The following AP2A1 variants were observed in gnomAD, a reference collection of about 807,000 sequenced individuals.
The protein encoded by AP2A1 is adaptor related protein complex 2 subunit alpha 1, also known as AP-2 complex subunit alpha-1.
Under a neutral mutation model 107.3 loss-of-function variants are expected in AP2A1, and 21 were observed. The ratio of observed to expected loss-of-function variants is 0.20; its 90% CI spans 0.14 to 0.28. The LOEUF (loss-of-function observed/expected upper bound fraction) is 0.28, where lower values mean the gene tolerates loss of function less well. AP2A1 is among the 10% of genes least tolerant of loss of function. The pLI, the probability that AP2A1 is intolerant of heterozygous loss-of-function variation, is 1.00. For synonymous variants in AP2A1, 602 were observed against 564.8 expected (o/e 1.07, Z -0.93); for missense variants, 873 against 1,307.7 (o/e 0.67, Z 5.13).
chr19:49,788,651 A>G lies in AP2A1; in HGVS notation c.474-3284A>G, dbSNP rs1196207237. On this transcript the variant is annotated intron_variant, in intron 4 of 22. Transcript: ENST00000354293. This position sits in a 1 kb window ranked among gnomAD's most constrained non-coding sequence, Gnocchi z 4.5. ...CTCGGGAGATGCACTGTGGCTCGGG[A>G]GATGAGCGCCATGACAGAGATGGGA... 6.8e-6 allele frequency among the ~76,000 whole-genome samples: 1 copy of G among 147,338 alleles called. No individual in the cohort carries two copies.
intron 4 of AP2A1, among the ~76,000 whole-genome samples, chr19:49,790,013 C>T (rs2073122219): frequency 1.3e-5 from 2 of 152,230 alleles, no homozygotes; most frequent in African/African-American, 4.8e-5. Flanking sequence ...CTGTGCCAGG[C>T]AAGTGCTGAC....
At chr19:49,780,224 G>C (rs1314572983) in intron 1 of AP2A1, among the ~76,000 whole-genome samples, 1 of 152,242 alleles carries the variant, frequency 6.6e-6, no homozygotes, top group Non-Finnish European at 1.5e-5. Context: ...CGACAGTGGA[G>C]AGAAATAAAA....
rs2073282471 is a variant in AP2A1 at position 49,801,706 on chromosome 19, A to AC, written c.1786-12dup. On this transcript the variant is annotated splice_polypyrimidine_tract_variant and intron_variant, in intron 13 of 22. Coordinates refer to ENST00000354293, the MANE Select transcript of AP2A1 (RefSeq NM_130787.3). ...CTCCTGACCCGAACTGACCTTCCCCACCCCGACCGCGCCAGGCCACGGTGC... is the reference window on the plus strand; with the variant it reads ...CTCCTGACCCGAACTGACCTTCCCCACCCCCGACCGCGCCAGGCCACGGTGC... 1 of 1,228,212 alleles carries AC rather than the reference A, an allele frequency of 8.1e-7. No homozygotes were observed. The highest frequency in any genetic ancestry group is 1.3e-5 in the South Asian group (1 of 77,180). 76.1% of individuals were successfully genotyped at this position (1,228,212 alleles called of 1,614,324 possible). A position where few individuals can be genotyped will look rare whatever the true frequency, so the allele number is the denominator to read the frequency against.
chr19:49,802,249 C>T (rs1487005961), intron 15 of AP2A1, 108 bp downstream of exon 15: 1 of 942,040 alleles, frequency 1.1e-6, no homozygotes. Context: ...CCGACTCGCT[C>T]CTCTCTCCAT....
intron 15 of AP2A1, chr19:49,802,585 A>C (rs1467496994): frequency 1.3e-6 from 2 of 1,598,700 alleles, no homozygotes; most frequent in Non-Finnish European, 1.7e-6. Flanking sequence ...TGGCTGACCC[A>C]GCTCCAGCTG....
intron 9 of AP2A1, 67 bp downstream of exon 9, chr19:49,799,562 C>G (rs2073251565): frequency 4.4e-6 from 7 of 1,600,856 alleles, no homozygotes; most frequent in Non-Finnish European, 5.1e-6. Context: ...CTCAGAGGCC[C>G]TTGGGTGGCC....
At position 49,782,708 on chromosome 19, in the gene AP2A1, C is replaced by A; in HGVS notation, c.457C>A (p.Arg153Ser). 1 of 1,604,140 alleles carries A rather than the reference C, an allele frequency of 6.2e-7. No individual in the cohort carries two copies. ...CGAGGCCTTTGCCGCTGACATCCCCCGCATCCTGGTGGCCGGGTAAGGCAC... is the reference window on the plus strand; with the variant it reads ...CGAGGCCTTTGCCGCTGACATCCCCAGCATCCTGGTGGCCGGGTAAGGCAC... ...MGEAFAADIP[R>S]ILVAGDSMDS... Residue 153 changes from arginine (R) to serine (S), a missense_variant, in exon 4 of 23, where the codon CGC becomes AGC. Coordinates refer to ENST00000354293, the MANE Select transcript of AP2A1 (RefSeq NM_130787.3).
At position 49,801,857 on chromosome 19, in the gene AP2A1, A is replaced by G. The variant is rs2073284818; in HGVS notation, c.1921A>G (p.Asn641Asp). The change falls in exon 14 of 23, where the codon AAC becomes GAC. Residue 641 changes from asparagine (N) to aspartate (D), a missense_variant. This residue lies in a region of AP2A1 where 416 missense variants were observed against 473.4 expected (regional missense o/e 0.88). Transcript: ENST00000354293. ...GAGGGACCCCAGCAGCAACGACATCAACGGGGGCATGGAGCCCACCCCCAG... is the reference window on the plus strand; with the variant it reads ...GAGGGACCCCAGCAGCAACGACATCGACGGGGGCATGGAGCCCACCCCCAG... ...GRRDPSSNDINGGMEPTPSTV... is the reference protein window; with the variant it reads ...GRRDPSSNDIDGGMEPTPSTV... The G allele has an allele frequency of 2.7e-6, 4 of 1,505,018 alleles. No individual in the cohort carries two copies. Among genetic ancestry groups the G allele is most frequent in the African/African-American group, 1.4e-5 (1 of 71,822 alleles). 93.2% of individuals were successfully genotyped at this position (1,505,018 alleles called of 1,614,324 possible). A position where few individuals can be genotyped will look rare whatever the true frequency, so the allele number is the denominator to read the frequency against.
At chr19:49,791,882 C>T (rs754316096) in intron 4 of AP2A1, 53 bp from the exon 5 acceptor site, 4 of 1,543,482 alleles carry the variant, frequency 2.6e-6, no homozygotes, top group Non-Finnish European at 1.7e-6. Flanking sequence ...GGGAGGTGTG[C>T]AGGGCTGGGG....
intron 15 of AP2A1, chr19:49,802,470 T>C: frequency 6.6e-7 from 1 of 1,508,014 alleles, no homozygotes. Flanking sequence ...TCTCGCTGCC[T>C]ATGTGGAATT....
intron 12 of AP2A1, 101 bp downstream of exon 12, chr19:49,801,159 C>G: frequency 8.3e-7 from 1 of 1,204,122 alleles, no homozygotes; most frequent in African/African-American, 1.5e-5. Context: ...GATGGGCTCC[C>G]ATCCTCTCGG....
At chr19:49,787,947 C>T (rs2073094538) in intron 4 of AP2A1, among the ~76,000 whole-genome samples, 1 of 152,080 alleles carries the variant, frequency 6.6e-6, no homozygotes, top group South Asian at 2.1e-4. Flanking sequence ...CATTGTGGTG[C>T]ATATCCGTGA....
At chr19:49,795,278 C>T (rs1401273795) in intron 6 of AP2A1, among the ~76,000 whole-genome samples, 2 of 152,206 alleles carry the variant, frequency 1.3e-5, no homozygotes, top group African/African-American at 2.4e-5. Context: ...ATCAACCAGC[C>T]GGGCTTAGTC....
chr19:49,790,179 T>A (rs527380279), intron 4 of AP2A1, among the ~76,000 whole-genome samples: 1 of 152,108 alleles, frequency 6.6e-6, no homozygotes, highest in South Asian at 2.1e-4. Context: ...AGAGGCCGCG[T>A]CCTTGCCTTC....
intron 1 of AP2A1, among the ~76,000 whole-genome samples, chr19:49,778,676 C>G (rs1239126646): frequency 6.6e-6 from 1 of 152,094 alleles, no homozygotes; most frequent in Non-Finnish European, 1.5e-5. Context: ...AGAAAAGGAG[C>G]AGTCGAAATA....
chr19:49,795,839 C>A, intron 7 of AP2A1, 101 bp downstream of exon 7: 1 of 925,460 alleles, frequency 1.1e-6, no homozygotes, highest in Non-Finnish European at 1.7e-6. Context: ...GGGTCTGGGT[C>A]AGGATTTCTC....
intron 15 of AP2A1, 48 bp from the exon 16 acceptor site, chr19:49,802,901 C>T (rs751722897): frequency 3.8e-6 from 6 of 1,588,620 alleles, no homozygotes; most frequent in East Asian, 2.3e-5. Flanking sequence ...GGGCCTTTGC[C>T]CCTCCCCACC....
intron 6 of AP2A1, among the ~76,000 whole-genome samples, chr19:49,793,898 CTTTTTTTTTTTT>C (rs956804227): frequency 9.4e-5 from 7 of 74,582 alleles, no homozygotes; most frequent in South Asian, 6.0e-4. Context: ...CTCATTGTTT[CTTTTTTTTTTTT>C]TTTTTTTTTT....
At chr19:49,783,499 AGT>A in intron 4 of AP2A1, among the ~76,000 whole-genome samples, 1 of 152,274 alleles carries the variant, frequency 6.6e-6, no homozygotes, top group East Asian at 1.9e-4. Context: ...TATTTCTGGC[AGT>A]GTGGTCAGCT....
Sources: gnomAD v4.1 joint callset for allele counts (sites outside exome capture counted in the v4.1 genomes callset) on GRCh38, gnomAD v4.1.1 for gene constraint, gnomAD v4.1.1 regional missense constraint, Gnocchi (gnomAD v3.1) non-coding constraint, MANE v1.5 for transcripts, NCBI Gene and HGNC (gene_info 2026-07-23, HGNC 2026-07-21) for gene names.